The following CCSER1 variants were observed in gnomAD, a reference collection of about 807,000 sequenced individuals.
CCSER1 encodes coiled-coil serine rich protein 1, also known as serine-rich coiled-coil domain-containing protein 1.
In CCSER1, 41 loss-of-function variants were observed where a neutral mutation model predicts 82.0. The ratio of observed to expected loss-of-function variants is 0.50; its 90% CI spans 0.39 to 0.65. The LOEUF (loss-of-function observed/expected upper bound fraction) is 0.65, where lower values mean the gene tolerates loss of function less well. CCSER1 is among the 30% of genes least tolerant of loss of function. CCSER1 has a pLI of 0.00. For missense variants in CCSER1, 1,119 were observed against 1,064.2 expected (o/e 1.05, Z -0.72); for synonymous variants, 414 against 383.9 (o/e 1.08, Z -0.92).
At chr4:91,544,702 G>T (rs1761790848) in intron 10 of CCSER1, among the ~76,000 whole-genome samples, 1 of 152,190 alleles carries the variant, frequency 6.6e-6, no homozygotes, top group Admixed American at 6.5e-5. Flanking sequence ...CCTGCTATGT[G>T]AGGTGTCAGT....
chr4:90,295,374 G>A (rs916880088), intron 1 of CCSER1, among the ~76,000 whole-genome samples: 1 of 151,898 alleles, frequency 6.6e-6, no homozygotes, highest in African/African-American at 2.4e-5. Flanking sequence ...GAAAAATATT[G>A]TATTTATTTC....
At chr4:91,201,813 G>A (rs986011871) in intron 10 of CCSER1, among the ~76,000 whole-genome samples, 2 of 151,978 alleles carry the variant, frequency 1.3e-5, no homozygotes, top group Admixed American at 6.6e-5. Context: ...AGTAGAATAA[G>A]CACTTTCTTT....
At chr4:91,150,232 T>G (rs1242578381) in intron 10 of CCSER1, among the ~76,000 whole-genome samples, 3 of 152,222 alleles carry the variant, frequency 2.0e-5, no homozygotes, top group Admixed American at 6.5e-5. Flanking sequence ...TTTTATTCTC[T>G]GTGAAGAAAT....
intron 10 of CCSER1, among the ~76,000 whole-genome samples, chr4:91,120,524 C>A (rs1054307875): frequency 6.6e-5 from 10 of 151,906 alleles, no homozygotes; most frequent in Non-Finnish European, 1.5e-4. Context: ...AATAAGGAAT[C>A]TCAGAGGAAA....
chr4:90,478,731 C>CTTTTTTTTTTTTTTTT (rs59376887), intron 5 of CCSER1, among the ~76,000 whole-genome samples: 3 of 133,250 alleles, frequency 2.3e-5, no homozygotes, highest in Non-Finnish European at 3.2e-5. Context: ...TTCTTTCTTT[C>CTTTTTTTTTTTTTTTT]TTTTTTTTTT....
In CCSER1 at chr4:90,806,861, CTCT is replaced by C. The variant is rs1255781374; in HGVS notation, c.2011-8896_2011-8894del. 5.2e-5 allele frequency among the ~76,000 whole-genome samples: 7 copies of C among 135,352 alleles called. 1 individual carries two copies. In the East Asian group the frequency reaches 9.2e-4, roughly 18 times the overall value. 88.8% of individuals were successfully genotyped at this position (135,352 alleles called of 152,430 possible). A position where few individuals can be genotyped will look rare whatever the true frequency, so the allele number is the denominator to read the frequency against. ...ACTGTCCCCTACTCAATCCTGAATCCTCTTCTTTTTTTTTTTTCTTCACATTTC... is the reference window on the plus strand; with the variant it reads ...ACTGTCCCCTACTCAATCCTGAATCCTCTTTTTTTTTTTTCTTCACATTTC... On this transcript the variant is annotated intron_variant, in intron 7 of 10. Coordinates refer to ENST00000509176, the MANE Select transcript of CCSER1 (RefSeq NM_001145065.2).
rs146366335 is a variant in CCSER1 at position 91,030,446 on chromosome 4, T to C, written c.2173-55504T>C. Among the ~76,000 whole-genome samples, 706 of 152,192 alleles carry C rather than the reference T, an allele frequency of 4.6e-3. 6 individuals are homozygous for C. Among genetic ancestry groups the C allele is most frequent in the African/African-American group, 0.016 (650 of 41,548 alleles). On this transcript the variant is annotated intron_variant, in intron 9 of 10. Coordinates refer to ENST00000509176, the MANE Select transcript of CCSER1 (RefSeq NM_001145065.2). ...CTGTTTTAATTTAAATCTAACTAACTACCTGTGGCTATTGGACAGCACAGC... is the reference window on the plus strand; with the variant it reads ...CTGTTTTAATTTAAATCTAACTAACCACCTGTGGCTATTGGACAGCACAGC...
chr4:91,529,335 T>C (rs1760914245), intron 10 of CCSER1, among the ~76,000 whole-genome samples: 1 of 152,156 alleles, frequency 6.6e-6, no homozygotes. Flanking sequence ...GAGGGTAATT[T>C]TGTTTACTGC....
chr4:90,723,796 C>T, intron 6 of CCSER1, 118 bp from the exon 7 acceptor site: 1 of 430,654 alleles, frequency 2.3e-6, no homozygotes, highest in Admixed American at 4.2e-5. Context: ...TGATTTTTTA[C>T]ATTCATATTT....
intron 10 of CCSER1, among the ~76,000 whole-genome samples, chr4:91,229,501 T>C (rs1738454868): frequency 6.6e-6 from 1 of 152,100 alleles, no homozygotes; most frequent in African/African-American, 2.4e-5. Context: ...TTAAAAAATT[T>C]GATTTCTCAT....
intron 5 of CCSER1, among the ~76,000 whole-genome samples, chr4:90,602,161 C>G (rs980992550): frequency 6.6e-6 from 1 of 152,070 alleles, no homozygotes; most frequent in African/African-American, 2.4e-5. Flanking sequence ...CATTTTCAGT[C>G]TATCAGTTTT....
intron 10 of CCSER1, among the ~76,000 whole-genome samples, chr4:91,205,448 TAAGTTC>T (rs1736266829): frequency 2.6e-5 from 4 of 151,828 alleles, no homozygotes; most frequent in Admixed American, 2.0e-4. Context: ...CAGTAAAATT[TAAGTTC>T]ATTTTACATG....
intron 9 of CCSER1, among the ~76,000 whole-genome samples, chr4:90,997,365 C>T (rs1157805986): frequency 6.6e-6 from 1 of 152,160 alleles, no homozygotes; most frequent in Non-Finnish European, 1.5e-5. Context: ...GACTGTCCTG[C>T]CTCCCCGTTC....
At chr4:90,889,425 T>C (rs945124458) in intron 8 of CCSER1, among the ~76,000 whole-genome samples, 2 of 152,184 alleles carry the variant, frequency 1.3e-5, no homozygotes, top group African/African-American at 4.8e-5. Context: ...ACCTGACTAT[T>C]GTTTCTTCAC....
chr4:90,414,184 A>C (rs1441809412), intron 4 of CCSER1, among the ~76,000 whole-genome samples: 1 of 150,534 alleles, frequency 6.6e-6, no homozygotes, highest in African/African-American at 2.4e-5. Context: ...AGAGGAAAAA[A>C]ATTTAAAAAT....
chr4:91,097,130 C>G (rs1229671395), intron 10 of CCSER1, among the ~76,000 whole-genome samples: 1 of 152,114 alleles, frequency 6.6e-6, no homozygotes, highest in Non-Finnish European at 1.5e-5. Flanking sequence ...TACCCTACCT[C>G]AAAAATGCCC....
At chr4:90,752,960 C>T (rs1748918743) in intron 7 of CCSER1, among the ~76,000 whole-genome samples, 1 of 152,020 alleles carries the variant, frequency 6.6e-6, no homozygotes, top group Non-Finnish European at 1.5e-5. Context: ...TTTCATTTAC[C>T]ATTTCATCAT....
At chr4:90,865,226 A>T (rs1461556616) in intron 8 of CCSER1, among the ~76,000 whole-genome samples, 2 of 152,038 alleles carry the variant, frequency 1.3e-5, no homozygotes, top group Non-Finnish European at 2.9e-5. Context: ...ACAGGCTAGA[A>T]ATTGTCTTCA....
chr4:91,116,538 G>A (rs1292762639), intron 10 of CCSER1, among the ~76,000 whole-genome samples: 1 of 152,214 alleles, frequency 6.6e-6, no homozygotes, highest in African/African-American at 2.4e-5. Context: ...ATGGGAGACA[G>A]TTGTGGTATC....
Sources: gnomAD v4.1 joint callset for allele counts (sites outside exome capture counted in the v4.1 genomes callset) on GRCh38, gnomAD v4.1.1 for gene constraint, MANE v1.5 for transcripts, NCBI Gene and HGNC (gene_info 2026-07-23, HGNC 2026-07-21) for gene names.